OR6N1: variants seen among roughly 807,000 people sequenced by gnomAD.
OR6N1 encodes the protein olfactory receptor family 6 subfamily N member 1.
For synonymous variants in OR6N1, 170 were observed against 150.7 expected, an observed-to-expected ratio of 1.13 and a Z score of -0.94; for missense variants, 394 against 371.7, an observed-to-expected ratio of 1.06 and a Z score of -0.49.
the OR6N1 span, among the ~76,000 whole-genome samples, chr1:158,786,141 G>A: frequency 6.6e-5 from 10 of 151,994 alleles, no homozygotes; most frequent in South Asian, 2.1e-4. Context: ...AATCTACAAG[G>A]AACACAAAAC....
chr1:158,806,744 C>T, the OR6N1 span, among the ~76,000 whole-genome samples: 3 of 151,576 alleles, frequency 2.0e-5, no homozygotes, highest in Admixed American at 6.6e-5. Flanking sequence ...ATGTTTTTTG[C>T]CCAAAATCAT....
At chr1:158,815,731 T>C in the OR6N1 span, among the ~76,000 whole-genome samples, 1 of 152,246 alleles carries the variant, frequency 6.6e-6, no homozygotes, top group Non-Finnish European at 1.5e-5. Context: ...ATGCTTTACA[T>C]GTTTATAATA....
the OR6N1 span, among the ~76,000 whole-genome samples, chr1:158,791,381 A>T: frequency 2.6e-5 from 4 of 151,652 alleles, no homozygotes; most frequent in Non-Finnish European, 5.9e-5. Flanking sequence ...GATTAATTCC[A>T]TGTATTTTTA....
the OR6N1 span, among the ~76,000 whole-genome samples, chr1:158,802,541 T>C: frequency 2.0e-5 from 3 of 151,976 alleles, no homozygotes; most frequent in Admixed American, 2.0e-4. Context: ...ACCCCAGAGG[T>C]GAGTTTCATC....
At chr1:158,824,919 T>C in the OR6N1 span, among the ~76,000 whole-genome samples, 2 of 152,202 alleles carry the variant, frequency 1.3e-5, no homozygotes, top group African/African-American at 2.4e-5. Context: ...AAAGATTTTA[T>C]GACAAAGGTG....
chr1:158,783,404 T>C, the OR6N1 span, among the ~76,000 whole-genome samples: 1 of 152,318 alleles, frequency 6.6e-6, no homozygotes, highest in African/African-American at 2.4e-5. Flanking sequence ...CATATGAAAA[T>C]AGAAATGAGC....
chr1:158,777,659 A>G, the OR6N1 span: 3 of 1,480,920 alleles, frequency 2.0e-6, no homozygotes, highest in East Asian at 2.3e-5. Context: ...AAAGAAGGAA[A>G]GAAGAAAACA....
At chr1:158,779,785 C>T in the OR6N1 span, among the ~76,000 whole-genome samples, 3 of 152,178 alleles carry the variant, frequency 2.0e-5, no homozygotes, top group Non-Finnish European at 2.9e-5. Context: ...AATCTTAACT[C>T]CTTAAATATA....
At chr1:158,772,827 G>T (rs927823044), upstream of OR6N1, among the ~76,000 whole-genome samples, 1 of 152,048 alleles carries the variant, frequency 6.6e-6, no homozygotes, top group Non-Finnish European at 1.5e-5. Context: ...TTGCCAGAAG[G>T]GTGGATTTTG....
the OR6N1 span, among the ~76,000 whole-genome samples, chr1:158,787,065 C>T: frequency 3.3e-5 from 5 of 151,974 alleles, no homozygotes; most frequent in African/African-American, 1.2e-4. Flanking sequence ...GATGTGAGGC[C>T]TGGGAGAGGT....
In OR6N1 at chr1:158,765,436, A is replaced by G; in HGVS notation, c.*308T>C. The G allele has an allele frequency of 4.2e-6, 1 of 237,224 alleles. No individual in the cohort carries two copies. Among genetic ancestry groups the G allele is most frequent in the Non-Finnish European group, 8.2e-6 (1 of 121,480 alleles). 14.7% of individuals were successfully genotyped at this position (237,224 alleles called of 1,614,324 possible). A position where few individuals can be genotyped will look rare whatever the true frequency, so the allele number is the denominator to read the frequency against. On this transcript the variant is annotated 3_prime_UTR_variant, in exon 2 of 2. Transcript: ENST00000641846. ...AAATTTGAAAAATGCCTATAAACGT[A>G]TAATAGGTAAGACACAGATTTTAAA... is the stretch of plus-strand genomic sequence containing the variant.
At position 158,766,402 on chromosome 1, in the gene OR6N1, A is replaced by C; in HGVS notation, c.281T>G (p.Phe94Cys). Reference sequence around the variant, plus strand: ...ATAGATCTGCAGGAGACACCCAGAGAATGAAATGGTCTTTTTCTCACTGAG... The same window carrying C: ...ATAGATCTGCAGGAGACACCCAGAGCATGAAATGGTCTTTTTCTCACTGAG... ...NLLSEKKTISFSGCLLQIYFF... is the reference protein window; with the variant it reads ...NLLSEKKTISCSGCLLQIYFF... The change falls in exon 2 of 2, where the codon TTC becomes TGC. Residue 94 changes from phenylalanine (F) to cysteine (C), a missense_variant. Phe to Cys is a radical substitution (Grantham distance 205). Transcript: ENST00000641846. 3 of 1,614,156 alleles carry C rather than the reference A, an allele frequency of 1.9e-6. No individual in the cohort carries two copies. Among genetic ancestry groups the C allele is most frequent in the Non-Finnish European group, 2.5e-6 (3 of 1,180,032 alleles).
chr1:158,766,068 G>T lies in OR6N1; in HGVS notation c.615C>A (p.Cys205Ter). The change falls in exon 2 of 2, where the codon TGC (cysteine) becomes TGA (stop). Residue 205 changes from cysteine (C) to a stop codon, truncating the protein, a stop_gained. Coordinates refer to ENST00000641846, the MANE Select transcript of OR6N1 (RefSeq NM_001005185.2). LOFTEE classifies it low-confidence loss of function (END_TRUNC). ...TCAGCAGGAAGGTGGCTAGGATCTT[G>T]CAGGAATTTATAACAAAATCTACTA... ...NVLVDFVINS[C>*]KILATFLLIL... 6.2e-7 allele frequency: 1 copy of T among 1,614,192 alleles called. No homozygotes were observed.
the OR6N1 span, among the ~76,000 whole-genome samples, chr1:158,786,178 G>C: frequency 3.3e-5 from 5 of 151,908 alleles, no homozygotes; most frequent in African/African-American, 1.2e-4. Context: ...CAAAAATTTG[G>C]CAAAGGACAT....
At chr1:158,788,923 A>G in the OR6N1 span, among the ~76,000 whole-genome samples, 3 of 152,220 alleles carry the variant, frequency 2.0e-5, no homozygotes, top group East Asian at 5.8e-4. Context: ...TTCTGTTTTT[A>G]TTTAGAAGTT....
At chr1:158,813,671 A>AT in the OR6N1 span, among the ~76,000 whole-genome samples, 1 of 123,554 alleles carries the variant, frequency 8.1e-6, no homozygotes, top group Non-Finnish European at 1.8e-5. Flanking sequence ...GATTATTTTG[A>AT]TTTTTTAATA....
chr1:158,814,321 T>C, the OR6N1 span, among the ~76,000 whole-genome samples: 1 of 152,204 alleles, frequency 6.6e-6, no homozygotes, highest in African/African-American at 2.4e-5. Context: ...TGTGTATGTA[T>C]ATACATATAT....
At chr1:158,816,805 A>T in the OR6N1 span, among the ~76,000 whole-genome samples, 7 of 152,368 alleles carry the variant, frequency 4.6e-5, no homozygotes, top group Admixed American at 4.6e-4. Context: ...TCTTACCCGT[A>T]TGGGCCTAGT....
chr1:158,799,404 T>C, the OR6N1 span, among the ~76,000 whole-genome samples: 3 of 152,200 alleles, frequency 2.0e-5, no homozygotes, highest in Non-Finnish European at 4.4e-5. Context: ...TACGTTTAAG[T>C]AGAAGGTCAT....
Sources: allele counts gnomAD v4.1 joint callset (sites outside exome capture counted in the v4.1 genomes callset), GRCh38; gene constraint gnomAD v4.1.1; transcripts MANE v1.5; gene names NCBI Gene and HGNC (gene_info 2026-07-23, HGNC 2026-07-21).